Variants in TRIM62 observed in about 807,000 individuals in gnomAD.
The protein encoded by TRIM62 is tripartite motif containing 62.
In TRIM62, 39 loss-of-function variants were observed where a neutral mutation model predicts 44.2. The observed-to-expected ratio is 0.88, with a 90% confidence interval of 0.68 to 1.15. The LOEUF is 1.15. TRIM62 is among the 50% of genes most tolerant of loss of function. The pLI is 0.00. For synonymous variants in TRIM62, 278 were observed against 292.3 expected (o/e 0.95, Z 0.50); for missense variants, 544 against 665.5 (o/e 0.82, Z 2.01).
intron 2 of TRIM62, among the ~76,000 whole-genome samples, chr1:33,160,874 G>A (rs868503883): frequency 2.0e-5 from 3 of 152,208 alleles, no homozygotes; most frequent in Non-Finnish European, 4.4e-5. Flanking sequence ...AAGGAGCAAG[G>A]ACTGGTGTTT....
rs1429906787 is a variant in TRIM62 at position 33,176,600 on chromosome 1, A to G, written c.408+4425T>C. 13 of 520,318 alleles carry G rather than the reference A, an allele frequency of 2.5e-5. No homozygotes were observed. In the South Asian group the frequency reaches 2.6e-4, roughly 10 times the overall value. 32.2% of individuals were successfully genotyped at this position (520,318 alleles called of 1,614,324 possible). ...CTGCTCTGACCAAGATGACGTCCCAACCACCTGCCCTCGGGGCGTCAGCTG... is the reference window on the plus strand; with the variant it reads ...CTGCTCTGACCAAGATGACGTCCCAGCCACCTGCCCTCGGGGCGTCAGCTG... On this transcript the variant is annotated intron_variant, in intron 1 of 4. Transcript: ENST00000291416.
chr1:33,147,592 A>G lies in TRIM62; in HGVS notation c.1013T>C (p.Val338Ala). ...GAAGGCTTCAGAACCCAGCACCGAC[A>G]CCTCCACATCGAAGCGCTTTGGCGA... is the stretch of plus-strand genomic sequence containing the variant. The part of the protein sequence containing the change: ...QDSPKRFDVE[V>A]SVLGSEAFSS... The change falls in exon 5 of 5, where the codon GTG becomes GCG. Residue 338 changes from valine to alanine, a missense_variant. Physicochemically the swap from Val to Ala is moderately conservative, Grantham distance 64. Transcript: ENST00000291416. The surrounding 1 kb of genome is among the most constrained non-coding windows in gnomAD (Gnocchi z 8.1). 1 of 1,613,882 alleles carries G rather than the reference A, an allele frequency of 6.2e-7. No homozygotes were observed. The highest frequency in any genetic ancestry group is 8.5e-7 in the Non-Finnish European group (1 of 1,179,984).
intron 1 of TRIM62, chr1:33,176,476 C>T: frequency 1.4e-6 from 1 of 693,336 alleles, no homozygotes; most frequent in Non-Finnish European, 2.6e-6. Context: ...GGAAGGGCTC[C>T]AATGGTCACA....
intron 1 of TRIM62, among the ~76,000 whole-genome samples, chr1:33,175,102 T>C (rs784770): frequency 0.79 from 119,704 of 151,316 alleles, 47,473 homozygotes; most frequent in African/African-American, 0.86. Context: ...AGTAGTGGAA[T>C]AATCTCAGCT....
chr1:33,158,248 C>T lies in TRIM62; in HGVS notation c.877+5G>A. 1 of 1,612,198 alleles carries T rather than the reference C, an allele frequency of 6.2e-7. No individual in the cohort carries two copies. Among genetic ancestry groups the T allele is most frequent in the Non-Finnish European group, 8.5e-7 (1 of 1,178,300 alleles). On this transcript the variant is annotated splice_donor_5th_base_variant and intron_variant, in intron 4 of 4. Coordinates refer to ENST00000291416, the MANE Select transcript of TRIM62 (RefSeq NM_018207.3). ...AGCTCTGGACCATGATAACCCATGC[C>T]TTACCTGGGTGGATGTCCTGGAACA...
chr1:33,151,144 TCC>T (rs1645091632), intron 4 of TRIM62, among the ~76,000 whole-genome samples: 2 of 152,064 alleles, frequency 1.3e-5, no homozygotes, highest in African/African-American at 2.4e-5. Flanking sequence ...AAGGGGGCTC[TCC>T]GTGGGTCTGA....
chr1:33,166,363 G>C (rs749665458), intron 1 of TRIM62: 2 of 146,176 alleles, frequency 1.4e-5, no homozygotes, highest in Non-Finnish European at 3.0e-5. Flanking sequence ...TGGAAAAATT[G>C]TCTTCCATGA....
rs555339553 is a variant in TRIM62, at chr1:33,153,561, A to G, written c.877+4692T>C. 1.5e-4 allele frequency among the ~76,000 whole-genome samples: 23 copies of G among 152,324 alleles called. 1 individual carries two copies. In the South Asian group the frequency reaches 4.8e-3, roughly 32 times the overall value. The stretch of plus-strand genomic sequence containing the variant: ...GAGCACAGAGCGGGGCCCTGCAACA[A>G]GGAATGGTCCAGCCTCCAGTGTCAA... On this transcript the variant is annotated intron_variant, in intron 4 of 4. Coordinates refer to ENST00000291416, the MANE Select transcript of TRIM62 (RefSeq NM_018207.3).
In TRIM62 at chr1:33,181,208, G is replaced by A. The variant is rs1645460875; in HGVS notation, c.225C>T (p.Tyr75=). The change falls in exon 1 of 5, where the codon TAC becomes TAT. Residue 75 remains tyrosine, a synonymous_variant. Transcript: ENST00000291416. This position sits in a 1 kb window ranked among gnomAD's most constrained non-coding sequence, Gnocchi z 6.5. Reference sequence around the variant, plus strand: ...GGATGGCGTCCAGCGGGAAGGAGCTGTAGCGCTCCACGATGTTGGCCAGCT... The same window carrying A: ...GGATGGCGTCCAGCGGGAAGGAGCTATAGCGCTCCACGATGTTGGCCAGCT... The part of the protein sequence containing the change: ...SLKLANIVER[Y]SSFPLDAILN... The A allele has an allele frequency of 1.9e-6, 3 of 1,583,030 alleles. No individual in the cohort carries two copies. The highest frequency in any genetic ancestry group is 2.6e-6 in the Non-Finnish European group (3 of 1,170,208).
chr1:33,170,272 C>T (rs1459953473), intron 1 of TRIM62, among the ~76,000 whole-genome samples: 1 of 151,842 alleles, frequency 6.6e-6, no homozygotes, highest in Non-Finnish European at 1.5e-5. Flanking sequence ...TGCAGTGAGC[C>T]AAGATCGTGC....
chr1:33,165,275 T>G lies in TRIM62; in HGVS notation c.504+196A>C, dbSNP rs1645316534. 1 of 496,218 alleles carries G rather than the reference T, an allele frequency of 2.0e-6. No individual in the cohort carries two copies. Among genetic ancestry groups the G allele is most frequent in the East Asian group, 3.4e-5 (1 of 29,278 alleles). 30.7% of individuals were successfully genotyped at this position (496,218 alleles called of 1,614,324 possible). A position where few individuals can be genotyped will look rare whatever the true frequency, so the allele number is the denominator to read the frequency against. ...ATCCTTGCCGCCAGTCATGATGGGG[T>G]GGGTGCCGCCCCATTGAACTTCACG... is the stretch of plus-strand genomic sequence containing the variant. On this transcript the variant is annotated intron_variant, in intron 2 of 4. Transcript: ENST00000291416. The surrounding 1 kb of genome is among the most constrained non-coding windows in gnomAD (Gnocchi z 4.0).
At chr1:33,151,378 A>G (rs1259394021) in intron 4 of TRIM62, among the ~76,000 whole-genome samples, 1 of 152,106 alleles carries the variant, frequency 6.6e-6, no homozygotes, top group Non-Finnish European at 1.5e-5. Context: ...AGGCTGGGGC[A>G]GGGTGTGGCA....
intron 1 of TRIM62, chr1:33,176,442 T>C (rs1363068648): frequency 2.9e-6 from 2 of 697,444 alleles, no homozygotes; most frequent in African/African-American, 1.7e-5. Context: ...CACTGCTGTC[T>C]TCTCTGGCAT....
chr1:33,180,988 G>A (rs1253012183), intron 1 of TRIM62, 37 bp downstream of exon 1: 3 of 646,256 alleles, frequency 4.6e-6, no homozygotes, highest in African/African-American at 8.4e-5. Context: ...CCTCCAGCCC[G>A]GCCCCGCCCC....
In TRIM62 at chr1:33,147,635, G is replaced by T; in HGVS notation, c.970C>A (p.Pro324Thr). 3.7e-6 allele frequency: 6 copies of T among 1,614,008 alleles called. No individual in the cohort carries two copies. Among genetic ancestry groups the T allele is most frequent in the Non-Finnish European group, 5.1e-6 (6 of 1,180,036 alleles). Residue 324 changes from proline (P) to threonine (T), a missense_variant, in exon 5 of 5, where the codon CCA (proline) becomes ACA (threonine). Coordinates refer to ENST00000291416, the MANE Select transcript of TRIM62 (RefSeq NM_018207.3). The surrounding 1 kb of genome is among the most constrained non-coding windows in gnomAD (Gnocchi z 8.1). ...CTIVAYGNLH[P>T]QPLQDSPKRF... ...TTTGGCGAGTCCTGCAGTGGCTGTG[G>T]GTGCAAGTTGCCGTAAGCCACAATG...
At chr1:33,148,786 A>G (rs79585025) in intron 4 of TRIM62, among the ~76,000 whole-genome samples, 93 of 152,364 alleles carry the variant, frequency 6.1e-4, no homozygotes, top group African/African-American at 2.1e-3. Flanking sequence ...AAAGTAGACA[A>G]TGGGTCTGAA....
Position 33,146,597 on chromosome 1 carries a change from A to G in TRIM62, c.*580T>C, listed in dbSNP as rs74065167. The G allele has an allele frequency of 6.8e-3, 1,108 of 162,484 alleles. 11 individuals carry two copies. The highest frequency in any genetic ancestry group is 0.025 in the African/African-American group (1,049 of 41,608). The allele number at this position is 162,484 out of a possible 1,614,324, so 10.1% of individuals were successfully genotyped here. ...TCCACAGGCCACAGCATCATCACTG[A>G]CCAGCAGATCAGTGGGAGAAGTAGG... On this transcript the variant is annotated 3_prime_UTR_variant, in exon 5 of 5. Coordinates refer to ENST00000291416, the MANE Select transcript of TRIM62 (RefSeq NM_018207.3).
Position 33,161,329 on chromosome 1 carries a change from C to T in TRIM62, c.505-1385G>A, listed in dbSNP as rs902666499. 1.5e-4 allele frequency among the ~76,000 whole-genome samples: 23 copies of T among 152,256 alleles called. No individual in the cohort carries two copies. The highest frequency in any genetic ancestry group is 3.4e-3 in the Middle Eastern group (1 of 294). On this transcript the variant is annotated intron_variant, in intron 2 of 4. Transcript: ENST00000291416. The surrounding 1 kb of genome is among the most constrained non-coding windows in gnomAD (Gnocchi z 4.3). ...CATGAGGAAGGGCTTAACGTCAGGA[C>T]GACACGGGCTATAGAAGTGCGGCCA... is the stretch of plus-strand genomic sequence containing the variant.
chr1:33,147,429 G>C lies in TRIM62; in HGVS notation c.1176C>G (p.His392Gln). The change falls in exon 5 of 5, where the codon CAC (histidine) becomes CAG (glutamine). Residue 392 changes from histidine to glutamine, a missense_variant. Physicochemically the swap from His to Gln is conservative, Grantham distance 24 (BLOSUM62 0). Transcript: ENST00000291416. The surrounding 1 kb of genome is among the most constrained non-coding windows in gnomAD (Gnocchi z 8.1). The stretch of plus-strand genomic sequence containing the variant: ...TGCAGGCGCTGTACTGGTTGCCATC[G>C]TGCATCACGATGCAGTAGAAGCCGC... ...PSRGFYCIVM[H>Q]DGNQYSACTE... 6.2e-7 allele frequency: 1 copy of C among 1,614,110 alleles called. No individual in the cohort carries two copies.
Sources: allele counts gnomAD v4.1 joint callset (sites outside exome capture counted in the v4.1 genomes callset), GRCh38; gene constraint gnomAD v4.1.1; non-coding constraint Gnocchi (gnomAD v3.1); transcripts MANE v1.5; gene names NCBI Gene and HGNC (gene_info 2026-07-23, HGNC 2026-07-21).